MAML3: variants seen among roughly 807,000 people sequenced by gnomAD.
MAML3 encodes the protein mastermind-like protein 3.
Under a neutral mutation model 101.9 loss-of-function variants are expected in MAML3, and 27 were observed. The observed-to-expected ratio is 0.27, with a 90% CI of 0.20 to 0.37. The LOEUF (loss-of-function observed/expected upper bound fraction) is 0.37. Among genes scored for constraint, MAML3 ranks in the 10% least tolerant of loss-of-function variants. The pLI, the probability that MAML3 is intolerant of heterozygous loss-of-function variation, is 1.00. For missense variants in MAML3, 1,316 were observed against 1,444.9 expected, an observed-to-expected ratio of 0.91 and a Z score of 1.45; for synonymous variants, 501 against 555.9, an observed-to-expected ratio of 0.90 and a Z score of 1.39.
intron 2 of MAML3, among the ~76,000 whole-genome samples, chr4:139,824,549 G>A (rs1731027991): frequency 6.6e-6 from 1 of 152,158 alleles, no homozygotes; most frequent in Non-Finnish European, 1.5e-5. Context: ...TAGAAGATGG[G>A]AAAGGACTAG....
chr4:139,889,565 T>C lies in MAML3; in HGVS notation c.1871A>G (p.Asn624Ser), dbSNP rs199849973. 181 of 1,613,692 alleles carry C rather than the reference T, an allele frequency of 1.1e-4. No homozygotes were observed. Among genetic ancestry groups the C allele is most frequent in the Non-Finnish European group, 1.5e-4 (176 of 1,179,870 alleles). Residue 624 changes from asparagine (N) to serine (S), a missense_variant, in exon 2 of 5, where the codon AAC (asparagine) becomes AGC (serine). Transcript: ENST00000509479. ...GATATACGGCATCAAGGGGTTTTTG[T>C]TGGGGTTGGCCACTGGTGGTGTCAT... is the stretch of plus-strand genomic sequence containing the variant. ...QRMTPPVANP[N>S]KNPLMPYIQQ...
chr4:139,935,649 T>A (rs970503299), intron 1 of MAML3, among the ~76,000 whole-genome samples: 1 of 152,002 alleles, frequency 6.6e-6, no homozygotes, highest in African/African-American at 2.4e-5. Context: ...TTTTGTTTTT[T>A]TTTTTTGGTT....
At chr4:139,856,603 T>C (rs1325819670) in intron 2 of MAML3, among the ~76,000 whole-genome samples, 2 of 152,206 alleles carry the variant, frequency 1.3e-5, no homozygotes, top group South Asian at 4.1e-4. Flanking sequence ...AAGTCTCTTG[T>C]CGAACTTCTG....
At chr4:140,018,859 A>G (rs1263786576) in intron 1 of MAML3, among the ~76,000 whole-genome samples, 4 of 152,142 alleles carry the variant, frequency 2.6e-5, no homozygotes, top group African/African-American at 9.7e-5. Context: ...TCAACTTTTC[A>G]TAATTATAAT....
chr4:140,050,806 C>T (rs1258050094), intron 1 of MAML3, among the ~76,000 whole-genome samples: 1 of 152,160 alleles, frequency 6.6e-6, no homozygotes, highest in Non-Finnish European at 1.5e-5. Flanking sequence ...GAGCCCACAC[C>T]TCCTTCAGAA....
intron 1 of MAML3, among the ~76,000 whole-genome samples, chr4:140,028,128 ATTATTCAGGGGCTCTTG>A (rs1446068948): frequency 6.6e-6 from 1 of 152,224 alleles, no homozygotes; most frequent in Non-Finnish European, 1.5e-5. Flanking sequence ...TTAGAAATTA[ATTATTCAGGGGCTCTTG>A]TTCTGTGAAG....
chr4:139,980,226 T>C (rs1466411992), intron 1 of MAML3, among the ~76,000 whole-genome samples: 3 of 152,314 alleles, frequency 2.0e-5, no homozygotes, highest in Admixed American at 6.5e-5. Context: ...AAGGATCCTG[T>C]TGGCTTTACA....
chr4:140,137,326 T>A (rs1213118967), intron 1 of MAML3, among the ~76,000 whole-genome samples: 1 of 152,246 alleles, frequency 6.6e-6, no homozygotes, highest in African/African-American at 2.4e-5. Context: ...AGTTTAATTT[T>A]TTTCAAAAAG....
intron 1 of MAML3, among the ~76,000 whole-genome samples, chr4:140,042,449 A>G (rs1727101834): frequency 6.6e-6 from 1 of 152,094 alleles, no homozygotes; most frequent in Admixed American, 6.5e-5. Flanking sequence ...CCTGGCTAAC[A>G]TGGTGAAACC....
intron 2 of MAML3, among the ~76,000 whole-genome samples, chr4:139,763,474 G>T (rs1158325538): frequency 6.6e-6 from 1 of 152,144 alleles, no homozygotes; most frequent in African/African-American, 2.4e-5. Flanking sequence ...CCTGCACCAG[G>T]GCTTCTGGTC....
Position 139,832,094 on chromosome 4 carries a change from C to CTTTTTTTTTTTTTTTTTTTTT in MAML3, c.2079+57242_2079+57262dup, listed in dbSNP as rs70943444. On this transcript the variant is annotated intron_variant, in intron 2 of 4. Transcript: ENST00000509479. The stretch of plus-strand genomic sequence containing the variant: ...AGGCGTGAGCCATCATGCCCAGCCC[C>CTTTTTTTTTTTTTTTTTTTTT]TTTTTTTTTTTTTTTTTTTTTTTTT... 4.3e-4 allele frequency among the ~76,000 whole-genome samples: 28 copies of CTTTTTTTTTTTTTTTTTTTTT among 64,702 alleles called. 2 individuals carry two copies. Among genetic ancestry groups the CTTTTTTTTTTTTTTTTTTTTT allele is most frequent in the Non-Finnish European group, 6.7e-4 (20 of 29,894 alleles). The allele number at this position is 64,702 out of a possible 152,430, so 42.4% of individuals were successfully genotyped here.
chr4:139,834,499 C>A (rs1209228296), intron 2 of MAML3, among the ~76,000 whole-genome samples: 4 of 152,226 alleles, frequency 2.6e-5, no homozygotes, highest in African/African-American at 9.6e-5. Flanking sequence ...GACAGCGCTT[C>A]TTGAAGGTGC....
At chr4:140,006,903 C>T (rs1485411197) in intron 1 of MAML3, among the ~76,000 whole-genome samples, 1 of 152,108 alleles carries the variant, frequency 6.6e-6, no homozygotes, top group African/African-American at 2.4e-5. Context: ...TTAATCTTCC[C>T]GTCAACCCCT....
chr4:139,888,924 T>C (rs1732397670), intron 2 of MAML3, among the ~76,000 whole-genome samples: 1 of 152,192 alleles, frequency 6.6e-6, no homozygotes, highest in African/African-American at 2.4e-5. Context: ...GTAGGACAGC[T>C]GAAGGCTGCT....
chr4:139,760,874 A>C (rs1466723944), intron 2 of MAML3, among the ~76,000 whole-genome samples: 1 of 152,130 alleles, frequency 6.6e-6, no homozygotes, highest in African/African-American at 2.4e-5. Context: ...GGTCGTGACA[A>C]CTCTCTTGAA....
At chr4:139,730,048 T>C (rs1261165467) in intron 3 of MAML3, among the ~76,000 whole-genome samples, 2 of 152,236 alleles carry the variant, frequency 1.3e-5, no homozygotes, top group Non-Finnish European at 2.9e-5. Context: ...TATTTTTTTC[T>C]TCAAGCTAGA....
At chr4:139,778,169 T>G (rs1730126739) in intron 2 of MAML3, among the ~76,000 whole-genome samples, 1 of 152,146 alleles carries the variant, frequency 6.6e-6, no homozygotes. Flanking sequence ...AAATGATGAA[T>G]AAAAGAATAC....
intron 1 of MAML3, among the ~76,000 whole-genome samples, chr4:139,939,448 A>G (rs1324342385): frequency 2.0e-5 from 3 of 151,962 alleles, no homozygotes; most frequent in Non-Finnish European, 2.9e-5. Flanking sequence ...CTTTCTGCCT[A>G]CTGATCTCAG....
chr4:140,011,056 T>A (rs1726543654), intron 1 of MAML3, among the ~76,000 whole-genome samples: 1 of 147,584 alleles, frequency 6.8e-6, no homozygotes, highest in African/African-American at 2.5e-5. Context: ...AAGATTGCAC[T>A]GCTTGCACTC....
Sources: gnomAD v4.1 joint callset for allele counts (sites outside exome capture counted in the v4.1 genomes callset) on GRCh38, gnomAD v4.1.1 for gene constraint, MANE v1.5 for transcripts, NCBI Gene and HGNC (gene_info 2026-07-23, HGNC 2026-07-21) for gene names.